SRGAP2: variants seen among roughly 807,000 people sequenced by gnomAD.
SRGAP2 encodes SLIT-ROBO Rho GTPase-activating protein 2.
In SRGAP2, 15 loss-of-function variants were observed where a neutral mutation model predicts 57.2. The observed-to-expected ratio is 0.26, with a 90% confidence interval of 0.18 to 0.40. The LOEUF (loss-of-function observed/expected upper bound fraction) is 0.40. Among genes scored for constraint, SRGAP2 ranks in the 10% least tolerant of loss-of-function variants. The pLI, the probability that SRGAP2 is intolerant of heterozygous loss-of-function variation, is 1.00. For synonymous variants in SRGAP2, 249 were observed against 248.0 expected (o/e 1.00, Z -0.04); for missense variants, 520 against 669.6 (o/e 0.78, Z 2.47).
At chr1:206,360,053 G>A (rs1213770261) in intron 4 of SRGAP2, among the ~76,000 whole-genome samples, 2 of 151,896 alleles carry the variant, frequency 1.3e-5, no homozygotes, top group East Asian at 1.9e-4. Context: ...TGATCCGCCC[G>A]CCTCGGCCTC....
At chr1:206,449,211 T>A (rs2103374165) in intron 18 of SRGAP2, among the ~76,000 whole-genome samples, 1 of 152,142 alleles carries the variant, frequency 6.6e-6, no homozygotes, top group South Asian at 2.1e-4. Flanking sequence ...CTGAAGTCCA[T>A]GAGCCAGGAG....
chr1:206,285,782 C>T (rs1235788890), intron 2 of SRGAP2, among the ~76,000 whole-genome samples: 1 of 152,152 alleles, frequency 6.6e-6, no homozygotes, highest in African/African-American at 2.4e-5. Flanking sequence ...GTTCTCATGG[C>T]TTGGCTTCCT....
intron 19 of SRGAP2, 122 bp downstream of exon 19, chr1:206,450,587 C>T (rs1233648987): frequency 6.4e-6 from 4 of 621,858 alleles, no homozygotes; most frequent in Non-Finnish European, 1.2e-5. Context: ...AGGCAGAGAG[C>T]TCCCTGTCTC....
intron 13 of SRGAP2, among the ~76,000 whole-genome samples, chr1:206,422,225 T>G (rs1386934974): frequency 6.6e-6 from 1 of 152,234 alleles, no homozygotes; most frequent in African/African-American, 2.4e-5. Flanking sequence ...CGGCATTTCT[T>G]CAGCTCATCT....
chr1:206,430,359 A>G (rs1572135910), intron 14 of SRGAP2, 137 bp downstream of exon 14: 1 of 656,018 alleles, frequency 1.5e-6, no homozygotes, highest in Non-Finnish European at 2.8e-6. Flanking sequence ...ACTTGTCCAC[A>G]TAACTTTTGC....
rs1421959976 is a variant in SRGAP2, at chr1:206,303,452, G to A, written c.239G>A (p.Ser80Asn). The A allele has an allele frequency of 2.3e-5, 36 of 1,542,658 alleles. No homozygotes were observed. The highest frequency in any genetic ancestry group is 2.9e-5 in the Non-Finnish European group (33 of 1,143,794). ...GAACGCTTCCTGGCCAAGACACGCA[G>A]CACCAAGGACCAGCAATTCAAGTAG... ...LAERFLAKTR[S>N]TKDQQFKKDQ... is the part of the protein sequence containing the mutation. The change falls in exon 3 of 23, where the codon AGC (serine) becomes AAC (asparagine). Residue 80 changes from serine (S) to asparagine (N), a missense_variant. Physicochemically the swap from Ser to Asn is conservative, Grantham distance 46 (BLOSUM62 1). Around this residue, in one of 5 missense-constraint regions of SRGAP2, gnomAD observed 26 missense variants for 202.3 expected, o/e 0.13. Transcript: ENST00000573034.
chr1:206,332,276 A>G (rs1475492195), intron 3 of SRGAP2, among the ~76,000 whole-genome samples: 1 of 87,920 alleles, frequency 1.1e-5, no homozygotes, highest in Non-Finnish European at 2.2e-5. Context: ...TGAATCTGAC[A>G]ATTATGTGTC....
chr1:206,253,772 A>C (rs1553311577), intron 2 of SRGAP2, among the ~76,000 whole-genome samples: 2 of 146,320 alleles, frequency 1.4e-5, no homozygotes, highest in Non-Finnish European at 3.0e-5. Flanking sequence ...TTTAGCAGAG[A>C]CCGGGTTTCA....
intron 2 of SRGAP2, among the ~76,000 whole-genome samples, chr1:206,255,075 T>G (rs1431970191): frequency 4.0e-5 from 6 of 149,948 alleles, no homozygotes; most frequent in African/African-American, 7.4e-5. Context: ...TGGGCTCAGG[T>G]TAACTTTTCT....
At chr1:206,386,566 G>T (rs1344536600) in intron 5 of SRGAP2, among the ~76,000 whole-genome samples, 1 of 134,128 alleles carries the variant, frequency 7.5e-6, no homozygotes, top group Non-Finnish European at 1.6e-5. Flanking sequence ...GGGAGGCTGA[G>T]GCAGGCAGAT....
intron 18 of SRGAP2, among the ~76,000 whole-genome samples, chr1:206,447,802 C>T (rs1429531156): frequency 6.6e-6 from 1 of 152,194 alleles, no homozygotes; most frequent in Non-Finnish European, 1.5e-5. Context: ...CACAGAGACC[C>T]CTACAGCCCT....
intron 2 of SRGAP2, among the ~76,000 whole-genome samples, chr1:206,226,361 C>A (rs552957962): frequency 4.4e-4 from 67 of 152,292 alleles, no homozygotes; most frequent in African/African-American, 1.5e-3. Context: ...TTATTACTCT[C>A]CTCCTTTTTA....
intron 10 of SRGAP2, among the ~76,000 whole-genome samples, chr1:206,412,279 T>C (rs115277050): frequency 6.6e-6 from 1 of 152,338 alleles, no homozygotes; most frequent in African/African-American, 2.4e-5. Context: ...AAAAACTGAA[T>C]TGAAGTTTCA....
intron 2 of SRGAP2, among the ~76,000 whole-genome samples, chr1:206,227,012 A>AC (rs1389894966): frequency 6.6e-6 from 1 of 152,100 alleles, no homozygotes; most frequent in Non-Finnish European, 1.5e-5. Flanking sequence ...GCCTCTGAAT[A>AC]CGGATGGGTA....
chr1:206,311,152 C>T (rs1398091854), intron 3 of SRGAP2, among the ~76,000 whole-genome samples: 1 of 151,188 alleles, frequency 6.6e-6, no homozygotes, highest in Non-Finnish European at 1.5e-5. Flanking sequence ...AACTTAGTCA[C>T]ATGGTTATGC....
chr1:206,378,605 T>G (rs1553345771), intron 4 of SRGAP2, among the ~76,000 whole-genome samples: 2 of 152,164 alleles, frequency 1.3e-5, no homozygotes, highest in Admixed American at 1.3e-4. Context: ...TGGAGAACTT[T>G]TCTGTCTAGC....
Position 206,415,244 on chromosome 1 carries a change from C to T in SRGAP2, c.1357-645C>T, listed in dbSNP as rs530130294. Among the ~76,000 whole-genome samples, 3 of 152,160 alleles carry T rather than the reference C, an allele frequency of 2.0e-5. No homozygotes were observed. The South Asian group carries it at 6.2e-4, about 32-fold the overall frequency. On this transcript the variant is annotated intron_variant, in intron 10 of 22. Transcript: ENST00000573034. Reference sequence around the variant, plus strand: ...AGCAATCATATTTTGACTGTGAGAGCAGGTGGGATCACATTTCCAAAACTT... The same window carrying T: ...AGCAATCATATTTTGACTGTGAGAGTAGGTGGGATCACATTTCCAAAACTT...
intron 2 of SRGAP2, among the ~76,000 whole-genome samples, chr1:206,267,968 C>A (rs1404380602): frequency 2.3e-4 from 35 of 149,030 alleles, no homozygotes; most frequent in African/African-American, 7.8e-4. Flanking sequence ...AAATAAAATT[C>A]TCTACAGTGT....
chr1:206,256,025 T>C (rs568702243), intron 2 of SRGAP2, among the ~76,000 whole-genome samples: 1 of 149,966 alleles, frequency 6.7e-6, no homozygotes, highest in East Asian at 2.0e-4. Context: ...TTGTATCAAA[T>C]GGGAGATCCA....
Sources: gnomAD v4.1 joint callset for allele counts (sites outside exome capture counted in the v4.1 genomes callset) on GRCh38, gnomAD v4.1.1 for gene constraint, gnomAD v4.1.1 regional missense constraint, MANE v1.5 for transcripts, NCBI Gene and HGNC (gene_info 2026-07-23, HGNC 2026-07-21) for gene names.